Variants in GNA14 observed in about 807,000 individuals in gnomAD.
The protein encoded by GNA14 is G protein subunit alpha 14.
In GNA14, 50 loss-of-function variants were observed where a neutral mutation model predicts 42.0. That is an observed-to-expected ratio of 1.19 (90% CI 0.95 to 1.51). The LOEUF is 1.51. Ranked by LOEUF, GNA14 falls within the 40% of genes most tolerant of loss-of-function variation. The probability of loss-of-function intolerance (pLI) is 0.00; values close to 1 mark genes in which losing one functional copy is unlikely to be tolerated. For synonymous variants in GNA14, 173 were observed against 163.1 expected (o/e 1.06, Z -0.46); for missense variants, 473 against 446.2 (o/e 1.06, Z -0.54).
chr9:77,571,228 A>C (rs1327873468), intron 1 of GNA14, among the ~76,000 whole-genome samples: 7 of 152,214 alleles, frequency 4.6e-5, no homozygotes, highest in Admixed American at 6.5e-5. Flanking sequence ...ATAATCTCTG[A>C]GACAGATAAA....
chr9:77,456,924 C>T (rs1564019749), intron 2 of GNA14, among the ~76,000 whole-genome samples: 4 of 152,160 alleles, frequency 2.6e-5, no homozygotes, highest in Admixed American at 6.5e-5. Flanking sequence ...GACGAGTTTA[C>T]GTACTTACCT....
intron 4 of GNA14, among the ~76,000 whole-genome samples, chr9:77,429,932 C>CCACA (rs141889919): frequency 6.6e-6 from 1 of 151,796 alleles, no homozygotes; most frequent in African/African-American, 2.4e-5. Context: ...CACCACCCCA[C>CCACA]CACACACACA....
chr9:77,554,229 T>G (rs956587655), intron 1 of GNA14, among the ~76,000 whole-genome samples: 2 of 152,170 alleles, frequency 1.3e-5, no homozygotes, highest in African/African-American at 2.4e-5. Flanking sequence ...CAGGTGAAGA[T>G]GATTTGGATT....
At chr9:77,637,930 T>C (rs1824208423) in intron 1 of GNA14, among the ~76,000 whole-genome samples, 1 of 152,266 alleles carries the variant, frequency 6.6e-6, no homozygotes, top group Non-Finnish European at 1.5e-5. Context: ...TCTCTGGTTT[T>C]ATATGCAAAA....
chr9:77,495,549 A>G (rs1208248735), intron 2 of GNA14, among the ~76,000 whole-genome samples: 2 of 152,340 alleles, frequency 1.3e-5, no homozygotes, highest in Non-Finnish European at 1.5e-5. Flanking sequence ...GCTGAGATGT[A>G]TGGACTTTTG....
intron 1 of GNA14, among the ~76,000 whole-genome samples, chr9:77,575,975 CT>C (rs1326157618): frequency 6.6e-6 from 1 of 152,222 alleles, no homozygotes; most frequent in Non-Finnish European, 1.5e-5. Context: ...GGGGTAGAAG[CT>C]GCACCGCTGG....
intron 1 of GNA14, among the ~76,000 whole-genome samples, chr9:77,539,880 C>G (rs1837638623): frequency 6.6e-6 from 1 of 151,954 alleles, no homozygotes; most frequent in Non-Finnish European, 1.5e-5. Flanking sequence ...TGGGTTTTCT[C>G]TCTTCTTGGT....
intron 2 of GNA14, among the ~76,000 whole-genome samples, chr9:77,516,987 G>A (rs1837268858): frequency 6.6e-6 from 1 of 152,192 alleles, no homozygotes; most frequent in Non-Finnish European, 1.5e-5. Flanking sequence ...CGTGTGAACA[G>A]CCAGAGCCAG....
chr9:77,618,035 A>C (rs1349571984), intron 1 of GNA14, among the ~76,000 whole-genome samples: 1 of 152,128 alleles, frequency 6.6e-6, no homozygotes, highest in Non-Finnish European at 1.5e-5. Context: ...AAATCACAGT[A>C]AAGACACCAT....
At chr9:77,593,564 C>T (rs1823421468) in intron 1 of GNA14, among the ~76,000 whole-genome samples, 1 of 152,186 alleles carries the variant, frequency 6.6e-6, no homozygotes, top group Non-Finnish European at 1.5e-5. Context: ...CTCACCTCAG[C>T]CTCCCAAAGT....
intron 2 of GNA14, among the ~76,000 whole-genome samples, chr9:77,458,509 T>C (rs1302752524): frequency 1.3e-5 from 2 of 152,176 alleles, no homozygotes; most frequent in East Asian, 3.9e-4. Context: ...TTAGCCCAGA[T>C]ATCAAAGTCT....
At chr9:77,553,487 GA>G (rs1012483225) in intron 1 of GNA14, among the ~76,000 whole-genome samples, 27 of 148,374 alleles carry the variant, frequency 1.8e-4, no homozygotes, top group African/African-American at 2.5e-5. Context: ...AGCACCAATA[GA>G]AAAAAAAAGC....
At chr9:77,435,584 AATT>A (rs1458114951) in intron 2 of GNA14, among the ~76,000 whole-genome samples, 7 of 152,116 alleles carry the variant, frequency 4.6e-5, no homozygotes, top group African/African-American at 1.2e-4. Flanking sequence ...ATTATTAAAT[AATT>A]ATTGCTCTAT....
rs188836612 is a variant in GNA14 at position 77,535,490 on chromosome 9, G to C, written c.125-6237C>G. ...ACCCGGGAGGCAGAGGTTGCACTGA[G>C]CTGAGCCGAGATCGCGCCATTGCAC... On this transcript the variant is annotated intron_variant, in intron 1 of 6. Coordinates refer to ENST00000341700, the MANE Select transcript of GNA14 (RefSeq NM_004297.4). 4.3e-3 allele frequency among the ~76,000 whole-genome samples: 657 copies of C among 152,266 alleles called. 9 individuals carry two copies. The highest frequency in any genetic ancestry group is 0.015 in the African/African-American group (606 of 41,556).
chr9:77,542,108 T>C (rs1335058258), intron 1 of GNA14, among the ~76,000 whole-genome samples: 2 of 152,220 alleles, frequency 1.3e-5, no homozygotes, highest in East Asian at 3.8e-4. Context: ...TGCTTTTTCC[T>C]GTTTCCTGTG....
At position 77,473,611 on chromosome 9, in the gene GNA14, A is replaced by ATT. The variant is rs200957339; in HGVS notation, c.310-39091_310-39090dup. 1.4e-3 allele frequency among the ~76,000 whole-genome samples: 184 copies of ATT among 132,532 alleles called. 1 individual carries two copies. Among genetic ancestry groups the ATT allele is most frequent in the East Asian group, 7.4e-3 (33 of 4,480 alleles). The allele number at this position is 132,532 out of a possible 152,430, so 86.9% of individuals were successfully genotyped here. ...CAATCTCTATTAAAATTTCACCTGGATTTTTTTTTTTTTTTTTTTGGCAGA... is the reference window on the plus strand; with the variant it reads ...CAATCTCTATTAAAATTTCACCTGGATTTTTTTTTTTTTTTTTTTTTGGCAGA... On this transcript the variant is annotated intron_variant, in intron 2 of 6. Transcript: ENST00000341700.
intron 2 of GNA14, among the ~76,000 whole-genome samples, chr9:77,522,481 C>T (rs1031193407): frequency 6.6e-6 from 1 of 152,162 alleles, no homozygotes; most frequent in African/African-American, 2.4e-5. Context: ...CAATGCTGCC[C>T]GCACCATTTA....
rs377352484 is a variant in GNA14, at chr9:77,429,002, G to A, written c.628C>T (p.Arg210Trp). 2.1e-5 allele frequency: 34 copies of A among 1,613,720 alleles called. No individual in the cohort carries two copies. Among genetic ancestry groups the A allele is most frequent in the African/African-American group, 1.1e-4 (8 of 74,896 alleles). ...VDVGGQRSER[R>W]KWIHCFESVT... ...CTCTCAAAGCAGTGAATCCACTTCC[G>A]TCTTTCCGATCGTTGGCCACCAACA... is the stretch of plus-strand genomic sequence containing the variant. The change falls in exon 5 of 7, where the codon CGG (arginine) becomes TGG (tryptophan). Residue 210 changes from arginine (R) to tryptophan (W), a missense_variant. Physicochemically the swap from Arg to Trp is moderately radical, Grantham distance 101 (BLOSUM62 -3). Coordinates refer to ENST00000341700, the MANE Select transcript of GNA14 (RefSeq NM_004297.4).
At chr9:77,620,673 C>T (rs2117972117) in intron 1 of GNA14, among the ~76,000 whole-genome samples, 1 of 151,924 alleles carries the variant, frequency 6.6e-6, no homozygotes, top group South Asian at 2.1e-4. Context: ...ATGGCGAAAC[C>T]CTGTCTCTAC....
Sources: gnomAD v4.1 joint callset for allele counts (sites outside exome capture counted in the v4.1 genomes callset) on GRCh38, gnomAD v4.1.1 for gene constraint, MANE v1.5 for transcripts, NCBI Gene and HGNC (gene_info 2026-07-23, HGNC 2026-07-21) for gene names.